Variants in ARHGEF28 observed in about 807,000 individuals in gnomAD.
ARHGEF28 encodes the protein 190 kDa guanine nucleotide exchange factor.
ARHGEF28 carries 152 observed loss-of-function variants against 206.6 expected under a neutral mutation model. The observed-to-expected ratio is 0.74, with a 90% CI of 0.64 to 0.84. The LOEUF is 0.84. Ranked by LOEUF, ARHGEF28 falls within the 40% of genes least tolerant of loss-of-function variation. The pLI is 0.00. For synonymous variants in ARHGEF28, 763 were observed against 776.4 expected, an observed-to-expected ratio of 0.98 and a Z score of 0.29; for missense variants, 2,028 against 2,073.2, an observed-to-expected ratio of 0.98 and a Z score of 0.42.
chr5:73,924,374 G>A (rs965856796), intron 35 of ARHGEF28, among the ~76,000 whole-genome samples: 6 of 152,118 alleles, frequency 3.9e-5, no homozygotes, highest in African/African-American at 1.2e-4. Context: ...AACTTACTTG[G>A]TGTCTCAGTT....
chr5:73,715,215 C>G (rs1192680885), intron 2 of ARHGEF28, among the ~76,000 whole-genome samples: 1 of 152,182 alleles, frequency 6.6e-6, no homozygotes, highest in Non-Finnish European at 1.5e-5. Context: ...AGTCACCGGA[C>G]CCACAGTCAA....
chr5:73,929,009 C>G (rs893120074), intron 35 of ARHGEF28, among the ~76,000 whole-genome samples: 1 of 152,142 alleles, frequency 6.6e-6, no homozygotes, highest in African/African-American at 2.4e-5. Flanking sequence ...GATCTCAGCT[C>G]ACTGCAAGAT....
intron 17 of ARHGEF28, among the ~76,000 whole-genome samples, 186 bp downstream of exon 17, chr5:73,865,058 G>C (rs1285280268): frequency 6.6e-6 from 1 of 152,230 alleles, no homozygotes; most frequent in Non-Finnish European, 1.5e-5. Context: ...TAGAAGGAAA[G>C]CTCAAGTCCA....
At chr5:73,777,441 G>T (rs918471756) in intron 6 of ARHGEF28, among the ~76,000 whole-genome samples, 2 of 152,080 alleles carry the variant, frequency 1.3e-5, no homozygotes, top group Non-Finnish European at 2.9e-5. Context: ...TCCTTCACAA[G>T]ACACAGGTCT....
chr5:73,735,618 C>T (rs1230335544), intron 2 of ARHGEF28, among the ~76,000 whole-genome samples: 1 of 152,214 alleles, frequency 6.6e-6, no homozygotes, highest in Non-Finnish European at 1.5e-5. Context: ...AAGCCAATCT[C>T]GATAGCAGCC....
chr5:73,844,759 G>C (rs1163952956), intron 11 of ARHGEF28, among the ~76,000 whole-genome samples: 1 of 115,384 alleles, frequency 8.7e-6, no homozygotes, highest in Non-Finnish European at 1.7e-5. Context: ...CTCCAGAACT[G>C]TAACAACCAA....
At chr5:73,745,837 C>T (rs1262121538) in intron 2 of ARHGEF28, among the ~76,000 whole-genome samples, 3 of 152,108 alleles carry the variant, frequency 2.0e-5, no homozygotes, top group African/African-American at 7.2e-5. Flanking sequence ...CTGCCAAAGG[C>T]AAAGTTTGTA....
chr5:73,880,450 G>C lies in ARHGEF28; in HGVS notation c.2815-2022G>C, dbSNP rs372897074. On this transcript the variant is annotated intron_variant, in intron 22 of 35. Transcript: ENST00000513042. ...CTGCACCCACTGTCCTGCGCCCACT[G>C]TCTGGCACTCCCTAGTGAGATGAAC... Among the ~76,000 whole-genome samples, 256 of 152,264 alleles carry C rather than the reference G, an allele frequency of 1.7e-3. 1 individual carries two copies. Among genetic ancestry groups the C allele is most frequent in the African/African-American group, 5.8e-3 (240 of 41,558 alleles).
chr5:73,888,913 A>G (rs911048366), intron 26 of ARHGEF28, among the ~76,000 whole-genome samples: 1 of 152,194 alleles, frequency 6.6e-6, no homozygotes, highest in Middle Eastern at 3.2e-3. Context: ...GGCTATACTG[A>G]TACTATTTCT....
chr5:73,657,200 T>C (rs895731929), intron 1 of ARHGEF28, among the ~76,000 whole-genome samples: 7 of 150,376 alleles, frequency 4.7e-5, no homozygotes, highest in Non-Finnish European at 7.4e-5. Context: ...AAAAAGAATG[T>C]TGGACTCTTC....
chr5:73,804,201 A>C (rs1307894364), intron 9 of ARHGEF28, among the ~76,000 whole-genome samples: 21 of 152,100 alleles, frequency 1.4e-4, no homozygotes, highest in Admixed American at 1.4e-3. Context: ...TGCCAATGAA[A>C]TTTCAGCCCA....
chr5:73,820,490 C>T (rs1477809553), intron 9 of ARHGEF28, among the ~76,000 whole-genome samples: 1 of 152,096 alleles, frequency 6.6e-6, no homozygotes, highest in Non-Finnish European at 1.5e-5. Flanking sequence ...AGGCTCTTCC[C>T]TGAGGTATGA....
At chr5:73,848,774 G>T (rs1032610161) in intron 12 of ARHGEF28, among the ~76,000 whole-genome samples, 1 of 152,040 alleles carries the variant, frequency 6.6e-6, no homozygotes, top group Non-Finnish European at 1.5e-5. Flanking sequence ...TATTCCCCAA[G>T]CTGAAGGTTG....
At chr5:73,739,826 TAAAAATAA>T (rs1751253377) in intron 2 of ARHGEF28, among the ~76,000 whole-genome samples, 1 of 106,520 alleles carries the variant, frequency 9.4e-6, no homozygotes, top group Admixed American at 9.7e-5. Flanking sequence ...ATAATAATAA[TAAAAATAA>T]ATAAATAAAT....
At chr5:73,919,787 A>C (rs1378690578) in intron 35 of ARHGEF28, among the ~76,000 whole-genome samples, 1 of 152,176 alleles carries the variant, frequency 6.6e-6, no homozygotes. Context: ...ATCAATTTGT[A>C]CTTGTTAGTT....
intron 10 of ARHGEF28, among the ~76,000 whole-genome samples, chr5:73,834,128 A>G (rs1392182199): frequency 6.6e-6 from 1 of 152,236 alleles, no homozygotes; most frequent in Non-Finnish European, 1.5e-5. Context: ...ATACATGTAC[A>G]TATTATGAGA....
intron 2 of ARHGEF28, among the ~76,000 whole-genome samples, chr5:73,704,825 G>A (rs1748838698): frequency 1.3e-5 from 2 of 152,136 alleles, no homozygotes; most frequent in South Asian, 4.1e-4. Context: ...TCTTTGGTTG[G>A]GATTTGTGAT....
chr5:73,685,916 C>T (rs971907058), intron 2 of ARHGEF28, among the ~76,000 whole-genome samples: 7 of 152,122 alleles, frequency 4.6e-5, no homozygotes, highest in African/African-American at 1.2e-4. Flanking sequence ...CCACCACACC[C>T]GGCTGGAATT....
At chr5:73,805,731 T>C (rs1755396914) in intron 9 of ARHGEF28, among the ~76,000 whole-genome samples, 1 of 152,178 alleles carries the variant, frequency 6.6e-6, no homozygotes, top group Non-Finnish European at 1.5e-5. Flanking sequence ...TTAACATAGA[T>C]ACACACGGTT....
Sources: allele counts gnomAD v4.1 joint callset (sites outside exome capture counted in the v4.1 genomes callset), GRCh38; gene constraint gnomAD v4.1.1; transcripts MANE v1.5; gene names NCBI Gene and HGNC (gene_info 2026-07-23, HGNC 2026-07-21).